HMBOX1: variants seen among roughly 807,000 people sequenced by gnomAD.
HMBOX1 encodes the protein homeobox-containing protein 1.
Under a neutral mutation model 54.5 loss-of-function variants are expected in HMBOX1, and 14 were observed. The ratio of observed to expected loss-of-function variants is 0.26; its 90% confidence interval spans 0.17 to 0.40. The LOEUF (loss-of-function observed/expected upper bound fraction) is 0.40. Among genes scored for constraint, HMBOX1 ranks in the 10% least tolerant of loss-of-function variants. The pLI, the probability that HMBOX1 is intolerant of heterozygous loss-of-function variation, is 1.00. For missense variants in HMBOX1, 332 were observed against 514.4 expected, an observed-to-expected ratio of 0.65 and a Z score of 3.43; for synonymous variants, 160 against 181.0, an observed-to-expected ratio of 0.88 and a Z score of 0.93.
At chr8:29,010,082 A>T (rs1452597423) in intron 5 of HMBOX1, 1 of 983,152 alleles carries the variant, frequency 1.0e-6, no homozygotes, top group African/African-American at 1.7e-5. Flanking sequence ...TTTTTTCCCT[A>T]AAGGTCAGTT....
At chr8:28,952,426 G>A (rs911847540) in intron 1 of HMBOX1, among the ~76,000 whole-genome samples, 7 of 151,962 alleles carry the variant, frequency 4.6e-5, no homozygotes, top group African/African-American at 1.7e-4. Context: ...TAAAGACGAG[G>A]TTTCACCATG....
At chr8:29,034,549 A>C (rs1803532468) in intron 6 of HMBOX1, among the ~76,000 whole-genome samples, 1 of 152,176 alleles carries the variant, frequency 6.6e-6, no homozygotes, top group South Asian at 2.1e-4. Flanking sequence ...TATCAGAATT[A>C]ATTTGGCTTT....
chr8:28,956,961 A>T (rs1324333318), intron 1 of HMBOX1, among the ~76,000 whole-genome samples: 3 of 152,186 alleles, frequency 2.0e-5, no homozygotes, highest in Non-Finnish European at 2.9e-5. Context: ...CACCAGTCAG[A>T]ATGGCCATTA....
intron 4 of HMBOX1, among the ~76,000 whole-genome samples, chr8:28,985,261 C>T (rs1392291681): frequency 6.6e-6 from 1 of 152,140 alleles, no homozygotes. Context: ...ACTTAAAGAC[C>T]ATGCCATTTC....
intron 1 of HMBOX1, among the ~76,000 whole-genome samples, chr8:28,937,360 A>G (rs912822915): frequency 3.3e-5 from 5 of 152,244 alleles, no homozygotes; most frequent in Admixed American, 1.3e-4. Context: ...TTATCTCATA[A>G]GAGTACTTGC....
At chr8:28,989,783 A>G (rs962266861) in intron 4 of HMBOX1, among the ~76,000 whole-genome samples, 8 of 152,232 alleles carry the variant, frequency 5.3e-5, no homozygotes, top group African/African-American at 1.9e-4. Flanking sequence ...ATATAGCTCA[A>G]TCTGACATTA....
intron 1 of HMBOX1, among the ~76,000 whole-genome samples, chr8:28,926,304 T>TACACACACACACACACAC (rs10699056): frequency 1.4e-5 from 2 of 142,216 alleles, no homozygotes; most frequent in African/African-American, 2.6e-5. Flanking sequence ...TATATATATA[T>TACACACACACACACACAC]ACACACACAC....
intron 6 of HMBOX1, among the ~76,000 whole-genome samples, chr8:29,034,414 T>C (rs887364492): frequency 1.3e-5 from 2 of 152,270 alleles, no homozygotes; most frequent in Non-Finnish European, 2.9e-5. Context: ...ACTAGGTTTG[T>C]CATCAAAATA....
At chr8:29,045,087 G>A (rs1421751082) in intron 6 of HMBOX1, among the ~76,000 whole-genome samples, 1 of 152,136 alleles carries the variant, frequency 6.6e-6, no homozygotes, top group Non-Finnish European at 1.5e-5. Context: ...GTCACATGGA[G>A]GTATTCAAAT....
intron 1 of HMBOX1, among the ~76,000 whole-genome samples, chr8:28,931,565 A>C (rs1285913510): frequency 6.6e-6 from 1 of 152,166 alleles, no homozygotes; most frequent in Non-Finnish European, 1.5e-5. Flanking sequence ...TTTCTGAGAC[A>C]GGATCTTGCT....
At chr8:28,926,304 T>TACACACAC (rs10699056) in intron 1 of HMBOX1, among the ~76,000 whole-genome samples, 41 of 142,182 alleles carry the variant, frequency 2.9e-4, no homozygotes, top group African/African-American at 1.0e-3. Flanking sequence ...TATATATATA[T>TACACACAC]ACACACACAC....
At chr8:28,969,266 G>GAAA (rs920879458) in intron 2 of HMBOX1, among the ~76,000 whole-genome samples, 3 of 152,134 alleles carry the variant, frequency 2.0e-5, no homozygotes, top group African/African-American at 7.2e-5. Context: ...CTCACCCTAA[G>GAAA]AAAACATTTT....
Position 29,009,074 on chromosome 8 carries a change from A to G in HMBOX1, c.589A>G (p.Ile197Val). 1.9e-6 allele frequency: 3 copies of G among 1,610,706 alleles called. No homozygotes were observed. Among genetic ancestry groups the G allele is most frequent in the Non-Finnish European group, 2.5e-6 (3 of 1,177,160 alleles). ...SQAVVAQVTG[I>V]SQSRISHWLL... ...AACCTATTTCTCTTTCTACATAGGT[A>G]TCAGTCAGAGCCGGATCTCTCATTG... is the stretch of plus-strand genomic sequence containing the variant. Residue 197 changes from isoleucine to valine, a missense_variant and splice_region_variant, in exon 5 of 10, where the codon ATC becomes GTC. Around this residue, in one of 4 missense-constraint regions of HMBOX1, gnomAD observed 117 missense variants for 220.0 expected, o/e 0.53. Transcript: ENST00000287701.
chr8:28,976,319 A>G (rs1330680389), intron 3 of HMBOX1, among the ~76,000 whole-genome samples: 1 of 152,134 alleles, frequency 6.6e-6, no homozygotes, highest in Non-Finnish European at 1.5e-5. Flanking sequence ...TATTACAGAC[A>G]TATATATACA....
intron 4 of HMBOX1, among the ~76,000 whole-genome samples, chr8:28,991,206 A>G (rs1830935281): frequency 6.6e-6 from 1 of 152,218 alleles, no homozygotes; most frequent in South Asian, 2.1e-4. Context: ...TAGAATATAG[A>G]ACAGTAGAGA....
intron 2 of HMBOX1, among the ~76,000 whole-genome samples, chr8:28,964,681 A>G (rs1281072562): frequency 6.6e-6 from 1 of 152,148 alleles, no homozygotes; most frequent in Non-Finnish European, 1.5e-5. Context: ...GTAAACATTA[A>G]GAGAGATTTT....
chr8:28,894,564 C>T lies in HMBOX1; in HGVS notation c.-58+3886C>T, dbSNP rs570693805. ...TTTCTCAAAATATTAGTAAGTAAGA[C>T]GTAGCATGGATTCCTAGGTGCAGCT... is the stretch of plus-strand genomic sequence containing the variant. On this transcript the variant is annotated intron_variant, in intron 1 of 9. Coordinates refer to ENST00000287701, the MANE Select transcript of HMBOX1 (RefSeq NM_001135726.3). Among the ~76,000 whole-genome samples, 5 of 152,268 alleles carry T rather than the reference C, an allele frequency of 3.3e-5. No homozygotes were observed. In the South Asian group the frequency reaches 1.0e-3, roughly 32 times the overall value.
At chr8:29,034,919 T>A (rs1284858097) in intron 6 of HMBOX1, among the ~76,000 whole-genome samples, 1 of 152,136 alleles carries the variant, frequency 6.6e-6, no homozygotes, top group Non-Finnish European at 1.5e-5. Flanking sequence ...CCTGGTAGTT[T>A]GATTGACTCC....
chr8:28,907,799 G>T lies in HMBOX1; in HGVS notation c.-58+17121G>T, dbSNP rs192781137. 9.9e-5 allele frequency among the ~76,000 whole-genome samples: 15 copies of T among 151,878 alleles called. No homozygotes were observed. The East Asian group carries it at 2.5e-3, about 25-fold the overall frequency. ...GATTTAATTCATTGACATACATTTG[G>T]GACATCGTGTTGTATACTATATGAA... On this transcript the variant is annotated intron_variant, in intron 1 of 9. Transcript: ENST00000287701.
Sources: gnomAD v4.1 joint callset for allele counts (sites outside exome capture counted in the v4.1 genomes callset) on GRCh38, gnomAD v4.1.1 for gene constraint, gnomAD v4.1.1 regional missense constraint, MANE v1.5 for transcripts, NCBI Gene and HGNC (gene_info 2026-07-23, HGNC 2026-07-21) for gene names.